The following LMX1B variants were observed in gnomAD, a reference collection of about 807,000 sequenced individuals.
LMX1B encodes the protein LIM homeobox transcription factor 1 beta.
In LMX1B, 12 loss-of-function variants were observed where a neutral mutation model predicts 51.4. That is an observed-to-expected ratio of 0.23 (90% CI 0.15 to 0.38). The LOEUF is 0.38. Among genes scored for constraint, LMX1B ranks in the 10% least tolerant of loss-of-function variants. The pLI is 1.00. For synonymous variants in LMX1B, 237 were observed against 235.4 expected (o/e 1.01, Z -0.06); for missense variants, 445 against 571.1 (o/e 0.78, Z 2.25).
intron 2 of LMX1B, among the ~76,000 whole-genome samples, chr9:126,631,318 G>A (rs1835632860): frequency 6.6e-6 from 1 of 152,234 alleles, no homozygotes; most frequent in Non-Finnish European, 1.5e-5. Context: ...TTTGTAAAAG[G>A]AAACATCTTG....
At chr9:126,616,612 G>C (rs771825725) in intron 2 of LMX1B, among the ~76,000 whole-genome samples, 2 of 152,216 alleles carry the variant, frequency 1.3e-5, no homozygotes, top group Non-Finnish European at 2.9e-5. Flanking sequence ...GCTGCAGAGC[G>C]GGTAGGCTGC....
At position 126,695,366 on chromosome 9, in the gene LMX1B, C is replaced by T. The variant is rs1231024538; in HGVS notation, c.887-473C>T. 6.6e-6 allele frequency among the ~76,000 whole-genome samples: 1 copy of T among 152,230 alleles called. No homozygotes were observed. The highest frequency in any genetic ancestry group is 1.5e-5 in the Non-Finnish European group (1 of 68,038). ...GCCCCACGTGCTGCACCCTCACTTA[C>T]CCGGCGGTCTGTCTCCTCCATGCCT... On this transcript the variant is annotated intron_variant, in intron 6 of 7. Transcript: ENST00000373474. This position sits in a 1 kb window ranked among gnomAD's most constrained non-coding sequence, Gnocchi z 5.2.
rs959491833 is a variant in LMX1B at position 126,626,275 on chromosome 9, G to T, written c.326+10706G>T. 9.9e-5 allele frequency among the ~76,000 whole-genome samples: 15 copies of T among 152,266 alleles called. No homozygotes were observed. Among genetic ancestry groups the T allele is most frequent in the African/African-American group, 3.4e-4 (14 of 41,476 alleles). On this transcript the variant is annotated intron_variant, in intron 2 of 7. Transcript: ENST00000373474. This position sits in a 1 kb window ranked among gnomAD's most constrained non-coding sequence, Gnocchi z 4.3. Reference sequence around the variant, plus strand: ...CAGGCTCCGGGCGCAGGGAGGATCGGGCTGAGAGCAGGGTGTCACCTCGTA... The same window carrying T: ...CAGGCTCCGGGCGCAGGGAGGATCGTGCTGAGAGCAGGGTGTCACCTCGTA...
At chr9:126,689,706 G>A (rs898233977) in intron 2 of LMX1B, among the ~76,000 whole-genome samples, 2 of 151,044 alleles carry the variant, frequency 1.3e-5, no homozygotes, top group African/African-American at 2.4e-5. Context: ...CCCGGCCCTC[G>A]TTTGTCTGCA....
chr9:126,634,602 A>AC (rs55720446), intron 2 of LMX1B, among the ~76,000 whole-genome samples: 43,020 of 150,074 alleles, frequency 0.29, 6,747 homozygotes, highest in Middle Eastern at 0.39. Context: ...GGTTCTGCAC[A>AC]CCCCCCCCAC....
In LMX1B at chr9:126,693,543, C is replaced by T; in HGVS notation, c.761C>T (p.Ala254Val). Residue 254 changes from alanine to valine, a missense_variant, in exon 5 of 8, where the codon GCT becomes GTT. Ala to Val is a moderately conservative substitution (Grantham distance 64, BLOSUM62 0). Around this residue, in one of 3 missense-constraint regions of LMX1B, gnomAD observed 10 missense variants for 39.9 expected, o/e 0.25. Coordinates refer to ENST00000373474, the MANE Select transcript of LMX1B (RefSeq NM_001174147.2). ...AGCCAGGTCCGAGAGACACTGGCAG[C>T]TGAGACGGGCCTCAGTGTGCGCGTG... Reference protein sequence around the residue: ...PCRKVRETLAAETGLSVRVVQ... With the variant: ...PCRKVRETLAVETGLSVRVVQ... 2.5e-6 allele frequency: 4 copies of T among 1,614,120 alleles called. No homozygotes were observed. Among genetic ancestry groups the T allele is most frequent in the Non-Finnish European group, 3.4e-6 (4 of 1,180,000 alleles).
rs1221130895 is a variant in LMX1B at position 126,618,795 on chromosome 9, G to C, written c.326+3226G>C. 6.6e-6 allele frequency among the ~76,000 whole-genome samples: 1 copy of C among 152,224 alleles called. No individual in the cohort carries two copies. ...AGAATTCCTGGAGGAGGCTCCGGAA[G>C]GGGGGAGGGTCGGTGGGAGAGTCCA... On this transcript the variant is annotated intron_variant, in intron 2 of 7. Transcript: ENST00000373474. This position sits in a 1 kb window ranked among gnomAD's most constrained non-coding sequence, Gnocchi z 4.5.
At chr9:126,624,846 G>C (rs1564147000) in intron 2 of LMX1B, among the ~76,000 whole-genome samples, 1 of 152,052 alleles carries the variant, frequency 6.6e-6, no homozygotes, top group Non-Finnish European at 1.5e-5. Context: ...AATTATAGGC[G>C]AGCCATATCC....
At chr9:126,634,157 C>T (rs1485413882) in intron 2 of LMX1B, among the ~76,000 whole-genome samples, 1 of 152,160 alleles carries the variant, frequency 6.6e-6, no homozygotes, top group African/African-American at 2.4e-5. Context: ...GCAAGATAGT[C>T]CCAGCCTGGC....
chr9:126,676,191 C>G (rs1396475786), intron 2 of LMX1B, among the ~76,000 whole-genome samples: 2 of 152,148 alleles, frequency 1.3e-5, no homozygotes, highest in African/African-American at 4.8e-5. Flanking sequence ...CTCATTGATT[C>G]TCCTTGTTTC....
rs147356500 is a variant in LMX1B at position 126,679,437 on chromosome 9, G to A, written c.327-11399G>A. Among the ~76,000 whole-genome samples, 430 of 151,786 alleles carry A rather than the reference G, an allele frequency of 2.8e-3. 2 individuals are homozygous for A. Among genetic ancestry groups the A allele is most frequent in the African/African-American group, 9.8e-3 (406 of 41,360 alleles). On this transcript the variant is annotated intron_variant, in intron 2 of 7. Coordinates refer to ENST00000373474, the MANE Select transcript of LMX1B (RefSeq NM_001174147.2). ...TAATATATGGGTGGTGGATGGATGG[G>A]TAAGTGGAAGGATAGATGCATGCAT...
intron 2 of LMX1B, among the ~76,000 whole-genome samples, chr9:126,620,116 C>T (rs1406826608): frequency 2.0e-5 from 3 of 152,174 alleles, no homozygotes; most frequent in Non-Finnish European, 4.4e-5. Context: ...CAAGGACACA[C>T]ACCACACTGC....
In LMX1B at chr9:126,697,066, G is replaced by A; in HGVS notation, c.*615G>A. 1 of 161,138 alleles carries A rather than the reference G, an allele frequency of 6.2e-6. No individual in the cohort carries two copies. Among genetic ancestry groups the A allele is most frequent in the Non-Finnish European group, 1.4e-5 (1 of 73,068 alleles). 10.0% of individuals were successfully genotyped at this position (161,138 alleles called of 1,614,324 possible). A position where few individuals can be genotyped will look rare whatever the true frequency, so the allele number is the denominator to read the frequency against. On this transcript the variant is annotated 3_prime_UTR_variant, in exon 8 of 8. Coordinates refer to ENST00000373474, the MANE Select transcript of LMX1B (RefSeq NM_001174147.2). ...GGCACGTGCAGACACATGCACACTT[G>A]CAGACAAACCCACGCAAACACACAC... is the stretch of plus-strand genomic sequence containing the variant.
intron 2 of LMX1B, among the ~76,000 whole-genome samples, chr9:126,653,142 C>CCT (rs1836052619): frequency 6.7e-4 from 37 of 55,362 alleles, no homozygotes; most frequent in South Asian, 1.8e-3. Flanking sequence ...CAAGTAGATG[C>CCT]TTTTTTTTTT....
chr9:126,633,886 G>A (rs1835671713), intron 2 of LMX1B, among the ~76,000 whole-genome samples: 1 of 152,144 alleles, frequency 6.6e-6, no homozygotes, highest in Non-Finnish European at 1.5e-5. Flanking sequence ...CAGCGATATG[G>A]AGACTGAGGC....
At chr9:126,632,588 A>G (rs984852347) in intron 2 of LMX1B, among the ~76,000 whole-genome samples, 7 of 152,178 alleles carry the variant, frequency 4.6e-5, no homozygotes, top group Non-Finnish European at 1.0e-4. Flanking sequence ...TGCTGGCAAC[A>G]TGTGCCTGGG....
Position 126,667,901 on chromosome 9 carries a change from G to A in LMX1B, c.327-22935G>A, listed in dbSNP as rs151142328. Among the ~76,000 whole-genome samples, 23 of 152,316 alleles carry A rather than the reference G, an allele frequency of 1.5e-4. No individual in the cohort carries two copies. The East Asian group carries it at 4.1e-3, about 27-fold the overall frequency. On this transcript the variant is annotated intron_variant, in intron 2 of 7. Coordinates refer to ENST00000373474, the MANE Select transcript of LMX1B (RefSeq NM_001174147.2). The stretch of plus-strand genomic sequence containing the variant: ...CAGTTAAATCAATCAATCAATGAAC[G>A]AGACACTCGGGTCTGGAAGGTGTTG...
intron 2 of LMX1B, among the ~76,000 whole-genome samples, chr9:126,683,999 C>T (rs11792568): frequency 0.06 from 9,174 of 152,184 alleles, 330 homozygotes; most frequent in Middle Eastern, 0.13. Flanking sequence ...ACGTGTCCTA[C>T]GGGATGAGAT....
At chr9:126,656,895 G>T (rs1836128839) in intron 2 of LMX1B, among the ~76,000 whole-genome samples, 1 of 152,216 alleles carries the variant, frequency 6.6e-6, no homozygotes, top group Admixed American at 6.5e-5. Flanking sequence ...AATGCCCCTT[G>T]AGGCAAAATC....
Sources: gnomAD v4.1 joint callset for allele counts (sites outside exome capture counted in the v4.1 genomes callset) on GRCh38, gnomAD v4.1.1 for gene constraint, gnomAD v4.1.1 regional missense constraint, Gnocchi (gnomAD v3.1) non-coding constraint, MANE v1.5 for transcripts, NCBI Gene and HGNC (gene_info 2026-07-23, HGNC 2026-07-21) for gene names.